Variants in CSMD1 observed in about 807,000 individuals in gnomAD.
CSMD1 encodes the protein CUB and sushi domain-containing protein 1.
A neutral mutation model predicts 417.5 loss-of-function variants in CSMD1; 213 were observed. The ratio of observed to expected loss-of-function variants is 0.51; its 90% CI spans 0.46 to 0.57. The LOEUF is 0.57. CSMD1 is among the 20% of genes least tolerant of loss of function. CSMD1 has a pLI of 0.00. For synonymous variants in CSMD1, 2,862 were observed against 1,736.8 expected (o/e 1.65, Z -16.11); for missense variants, 6,923 against 4,529.7 (o/e 1.53, Z -15.17).
rs971309529 is a variant in CSMD1 at position 4,604,093 on chromosome 8, T to C, written c.302+33249A>G. Among the ~76,000 whole-genome samples the C allele has an allele frequency of 1.2e-4, 18 of 152,160 alleles. 1 individual carries two copies. The highest frequency in any genetic ancestry group is 4.3e-4 in the African/African-American group (18 of 41,554). ...CAACTTAGTTGTTATCATAGACAGA[T>C]AAACAATTTTTTATTCTTTTTCTTT... On this transcript the variant is annotated intron_variant, in intron 2 of 69. Coordinates refer to ENST00000635120, the MANE Select transcript of CSMD1 (RefSeq NM_033225.6).
intron 3 of CSMD1, among the ~76,000 whole-genome samples, chr8:4,138,184 G>A (rs1803553051): frequency 1.4e-5 from 2 of 147,006 alleles, no homozygotes; most frequent in Admixed American, 7.0e-5. Context: ...CAAAGTGCTG[G>A]GATTACAGGC....
At chr8:4,733,926 T>C (rs1218182192) in intron 1 of CSMD1, among the ~76,000 whole-genome samples, 1 of 152,178 alleles carries the variant, frequency 6.6e-6, no homozygotes, top group African/African-American at 2.4e-5. Context: ...AAGGATAGCA[T>C]TTATGGTAAT....
intron 7 of CSMD1, among the ~76,000 whole-genome samples, chr8:3,631,833 T>C (rs977663969): frequency 3.3e-5 from 5 of 152,230 alleles, no homozygotes; most frequent in African/African-American, 1.2e-4. Context: ...TGACTTGACA[T>C]TCTTAATTTA....
intron 23 of CSMD1, among the ~76,000 whole-genome samples, chr8:3,333,548 C>G (rs1807043309): frequency 6.6e-6 from 1 of 152,168 alleles, no homozygotes; most frequent in African/African-American, 2.4e-5. Context: ...AATTTACAAA[C>G]TACACAGATA....
intron 5 of CSMD1, among the ~76,000 whole-genome samples, chr8:3,956,316 A>G (rs1811941837): frequency 6.6e-6 from 1 of 152,184 alleles, no homozygotes; most frequent in South Asian, 2.1e-4. Flanking sequence ...CCCCATCTCA[A>G]GATGGGGAAA....
chr8:3,498,426 G>A (rs985112071), intron 10 of CSMD1, among the ~76,000 whole-genome samples: 5 of 152,178 alleles, frequency 3.3e-5, no homozygotes, highest in African/African-American at 7.2e-5. Context: ...CACCAGGAGA[G>A]AAGGAAGAAT....
At chr8:3,950,317 C>T (rs1161384964) in intron 5 of CSMD1, among the ~76,000 whole-genome samples, 5 of 152,058 alleles carry the variant, frequency 3.3e-5, no homozygotes, top group Non-Finnish European at 7.4e-5. Flanking sequence ...TGATAGTTTC[C>T]AAGTAGAAAA....
intron 3 of CSMD1, among the ~76,000 whole-genome samples, chr8:4,337,849 G>T (rs984618656): frequency 1.3e-5 from 2 of 151,996 alleles, no homozygotes; most frequent in Admixed American, 6.6e-5. Flanking sequence ...TTGTTCCTTC[G>T]TAAAGACTTT....
intron 52 of CSMD1, among the ~76,000 whole-genome samples, chr8:3,004,112 G>A (rs1408465179): frequency 6.6e-6 from 1 of 152,034 alleles, no homozygotes. Context: ...ATGAACGTGG[G>A]GTGAGGGCAG....
At chr8:3,745,506 G>C (rs887459941) in intron 6 of CSMD1, among the ~76,000 whole-genome samples, 5 of 152,206 alleles carry the variant, frequency 3.3e-5, no homozygotes, top group Non-Finnish European at 7.3e-5. Context: ...GTGTACAACA[G>C]GAAACTCGCC....
intron 1 of CSMD1, among the ~76,000 whole-genome samples, chr8:4,950,354 A>G (rs1356115176): frequency 1.3e-5 from 2 of 152,174 alleles, no homozygotes; most frequent in Admixed American, 6.5e-5. Context: ...CAGATTTTCA[A>G]AAGTTAAATA....
At chr8:3,982,631 C>T (rs1813969717) in intron 5 of CSMD1, among the ~76,000 whole-genome samples, 1 of 150,890 alleles carries the variant, frequency 6.6e-6, no homozygotes, top group African/African-American at 2.4e-5. Flanking sequence ...AAAAAAAAGC[C>T]ATTAAATTAT....
At chr8:2,971,056 A>C (rs1804414493) in intron 57 of CSMD1, among the ~76,000 whole-genome samples, 1 of 152,222 alleles carries the variant, frequency 6.6e-6, no homozygotes, top group African/African-American at 2.4e-5. Flanking sequence ...AACTCTTTAG[A>C]GTTAAATATA....
rs572627110 is a variant in CSMD1, at chr8:4,327,777, A to G, written c.415+92176T>C. ...ACATACATTATTTTTATTTAATCAT[A>G]AAACCAAATGTAACTTTTCTTGCTA... is the stretch of plus-strand genomic sequence containing the variant. On this transcript the variant is annotated intron_variant, in intron 3 of 69. Transcript: ENST00000635120. Among the ~76,000 whole-genome samples the G allele has an allele frequency of 2.0e-5, 3 of 152,358 alleles. No homozygotes were observed. The East Asian group carries it at 5.8e-4, about 29-fold the overall frequency.
intron 3 of CSMD1, among the ~76,000 whole-genome samples, chr8:4,395,913 G>A (rs1014021147): frequency 6.6e-6 from 1 of 152,180 alleles, no homozygotes; most frequent in Admixed American, 6.5e-5. Flanking sequence ...GTAATTGTAA[G>A]TCTGACAGTT....
intron 2 of CSMD1, among the ~76,000 whole-genome samples, chr8:4,617,176 G>A (rs1378139609): frequency 2.0e-5 from 3 of 152,178 alleles, no homozygotes; most frequent in African/African-American, 7.2e-5. Context: ...CTGCTCTTAT[G>A]CCACTTTGAT....
chr8:3,962,623 T>A (rs932418332), intron 5 of CSMD1, among the ~76,000 whole-genome samples: 1 of 152,126 alleles, frequency 6.6e-6, no homozygotes, highest in African/African-American at 2.4e-5. Flanking sequence ...GATCATTGGC[T>A]GAAAAGGAGA....
intron 1 of CSMD1, among the ~76,000 whole-genome samples, chr8:4,887,833 T>C (rs7002271): frequency 0.42 from 63,264 of 151,802 alleles, 13,467 homozygotes; most frequent in East Asian, 0.57. Flanking sequence ...TTTTGAGCAG[T>C]GTTCGTACAG....
chr8:3,564,737 C>A (rs1188561530), intron 10 of CSMD1, among the ~76,000 whole-genome samples: 3 of 137,906 alleles, frequency 2.2e-5, no homozygotes, highest in African/African-American at 5.7e-5. Flanking sequence ...AACCAACCAA[C>A]CAAACACACA....
Sources: gnomAD v4.1 joint callset for allele counts (sites outside exome capture counted in the v4.1 genomes callset) on GRCh38, gnomAD v4.1.1 for gene constraint, MANE v1.5 for transcripts, NCBI Gene and HGNC (gene_info 2026-07-23, HGNC 2026-07-21) for gene names.